Variants in ATAD3C observed in about 807,000 individuals in gnomAD.
ATAD3C encodes the protein ATPase family AAA domain containing 3C, also known as ATPase family AAA domain-containing protein 3C.
In ATAD3C, 38 loss-of-function variants were observed where a neutral mutation model predicts 46.3. That is an observed-to-expected ratio of 0.82 (90% CI 0.63 to 1.08). The LOEUF (loss-of-function observed/expected upper bound fraction) is 1.08, where lower values mean the gene tolerates loss of function less well. ATAD3C is among the 50% of genes least tolerant of loss of function. The pLI, the probability that ATAD3C is intolerant of heterozygous loss-of-function variation, is 0.00. For missense variants in ATAD3C, 563 were observed against 572.7 expected (o/e 0.98, Z 0.17); for synonymous variants, 220 against 236.4 (o/e 0.93, Z 0.63).
rs767443446 is a variant in ATAD3C at position 1,456,193 on chromosome 1, C to T, written c.565-32C>T. 4.3e-5 allele frequency: 65 copies of T among 1,527,502 alleles called. 10 individuals carry two copies. Among genetic ancestry groups the T allele is most frequent in the Non-Finnish European group, 5.5e-5 (63 of 1,146,588 alleles). 94.6% of individuals were successfully genotyped at this position (1,527,502 alleles called of 1,614,324 possible). On this transcript the variant is annotated intron_variant, in intron 6 of 11. Transcript: ENST00000378785. ...GGCTTTGCAGAGGCGGAGGGAACAT[C>T]TGTTCTGTCTCCCCTCACTCTTCTT... is the stretch of plus-strand genomic sequence containing the variant.
At chr1:1,463,906 T>C (rs963617799) in intron 11 of ATAD3C, among the ~76,000 whole-genome samples, 4 of 151,088 alleles carry the variant, frequency 2.6e-5, no homozygotes, top group African/African-American at 4.9e-5. Flanking sequence ...AGTGAGACCC[T>C]GTCTTAAAAA....
Position 1,468,542 on chromosome 1 carries a change from G to C in ATAD3C, c.*12G>C, listed in dbSNP as rs1259094546. The C allele has an allele frequency of 1.9e-6, 3 of 1,596,730 alleles. No homozygotes were observed. Among genetic ancestry groups the C allele is most frequent in the Non-Finnish European group, 2.6e-6 (3 of 1,170,866 alleles). On this transcript the variant is annotated 3_prime_UTR_variant, in exon 12 of 12. Transcript: ENST00000378785. ...AACCCTCATCCTGAGTCCATGGGGA[G>C]ACCACACCTCACGGAGCCTGGCCGC...
At chr1:1,454,314 C>T (rs1250776120) in intron 3 of ATAD3C, 31 bp from the exon 4 acceptor site, 1 of 1,581,822 alleles carries the variant, frequency 6.3e-7, no homozygotes, top group Non-Finnish European at 8.6e-7. Flanking sequence ...ACGGTGGGGG[C>T]CGGTGCGCCA....
chr1:1,453,598 A>G (rs1399890611), intron 3 of ATAD3C, among the ~76,000 whole-genome samples: 1 of 151,476 alleles, frequency 6.6e-6, no homozygotes, highest in African/African-American at 2.4e-5. Flanking sequence ...TGGCCTCCCA[A>G]AGTGCTGGGA....
chr1:1,452,710 A>T (rs1474619905), intron 3 of ATAD3C, among the ~76,000 whole-genome samples: 2 of 151,648 alleles, frequency 1.3e-5, no homozygotes, highest in Non-Finnish European at 2.9e-5. Flanking sequence ...AGAGGTAGAG[A>T]ATCACTTGAA....
intron 8 of ATAD3C, among the ~76,000 whole-genome samples, chr1:1,457,495 C>T (rs1183583285): frequency 6.9e-6 from 1 of 144,924 alleles, no homozygotes; most frequent in African/African-American, 2.6e-5. Context: ...ACTCGGGAGG[C>T]TGAGGCAGGA....
chr1:1,468,571 C>G lies in ATAD3C; in HGVS notation c.*41C>G, dbSNP rs1295115528. 20 of 1,580,370 alleles carry G rather than the reference C, an allele frequency of 1.3e-5. No individual in the cohort carries two copies. The highest frequency in any genetic ancestry group is 1.7e-5 in the Non-Finnish European group (20 of 1,165,276). On this transcript the variant is annotated 3_prime_UTR_variant, in exon 12 of 12. Transcript: ENST00000378785. ...ACACCTCACGGAGCCTGGCCGCGGA[C>G]CCCTCCCACCCCTGCCTTTGCGGCC...
rs760244275 is a variant in ATAD3C, at chr1:1,455,508, G to T, written c.427G>T (p.Val143Phe). The T allele has an allele frequency of 5.0e-6, 8 of 1,612,442 alleles. No individual in the cohort carries two copies. Reference sequence around the variant, plus strand: ...TCGACCCCAGGACGTGCTGGAGGGTGTTGTGCTTAGTGTAAGTCGGTGTGC... The same window carrying T: ...TCGACCCCAGGACGTGCTGGAGGGTTTTGTGCTTAGTGTAAGTCGGTGTGC... Reference protein sequence around the residue: ...LSRPQDVLEGVVLSPSLEARV... With the variant: ...LSRPQDVLEGFVLSPSLEARV... Residue 143 changes from valine to phenylalanine, a missense_variant, in exon 5 of 12, where the codon GTT becomes TTT. Transcript: ENST00000378785.
chr1:1,454,839 C>T (rs1002058401), intron 4 of ATAD3C, among the ~76,000 whole-genome samples: 14 of 151,890 alleles, frequency 9.2e-5, no homozygotes, highest in Admixed American at 6.6e-4. Context: ...CCTGGGGAGC[C>T]GCGCCGTTTG....
Position 1,459,059 on chromosome 1 carries a change from A to G in ATAD3C, c.742-102A>G, listed in dbSNP as rs1197175169. ...AGTCTAGATCCGTGAAAGTGTCGCC[A>G]TGTCCCTGCTCCCTGCAGGAGGGAG... On this transcript the variant is annotated intron_variant, in intron 8 of 11. Transcript: ENST00000378785. The surrounding 1 kb of genome is among the most constrained non-coding windows in gnomAD (Gnocchi z 4.9). 3 of 1,563,652 alleles carry G rather than the reference A, an allele frequency of 1.9e-6. No individual in the cohort carries two copies. Among genetic ancestry groups the G allele is most frequent in the African/African-American group, 1.4e-5 (1 of 73,566 alleles).
intron 11 of ATAD3C, among the ~76,000 whole-genome samples, 189 bp from the exon 12 acceptor site, chr1:1,468,195 G>C (rs909175721): frequency 1.3e-5 from 2 of 152,102 alleles, no homozygotes; most frequent in African/African-American, 4.8e-5. Flanking sequence ...CAGGGCTGTG[G>C]GCACTGCAGG....
At chr1:1,452,724 G>A (rs577922182) in intron 3 of ATAD3C, among the ~76,000 whole-genome samples, 3 of 151,506 alleles carry the variant, frequency 2.0e-5, no homozygotes, top group Admixed American at 6.6e-5. Context: ...ACTTGAACCC[G>A]GGAGGCAGAG....
At chr1:1,454,859 A>G (rs188695458) in intron 4 of ATAD3C, among the ~76,000 whole-genome samples, 43 of 151,786 alleles carry the variant, frequency 2.8e-4, no homozygotes, top group Non-Finnish European at 4.9e-4. Context: ...GCCAGCCCCC[A>G]AGGTGCCTGC....
chr1:1,457,244 T>C, intron 8 of ATAD3C, 64 bp downstream of exon 8: 3 of 1,607,374 alleles, frequency 1.9e-6, no homozygotes, highest in Non-Finnish European at 2.6e-6. Context: ...GCTGTCATCC[T>C]GGGCCAGGCC....
chr1:1,458,139 C>T (rs1638998212), intron 8 of ATAD3C, among the ~76,000 whole-genome samples: 1 of 151,088 alleles, frequency 6.6e-6, no homozygotes, highest in African/African-American at 2.4e-5. Flanking sequence ...CCACCACATC[C>T]AGATAAGTTT....
intron 11 of ATAD3C, among the ~76,000 whole-genome samples, chr1:1,465,704 T>A (rs1283151661): frequency 6.6e-6 from 1 of 151,916 alleles, no homozygotes; most frequent in Non-Finnish European, 1.5e-5. Context: ...GGTTGTTTTT[T>A]CCAATATGGA....
intron 4 of ATAD3C, 75 bp downstream of exon 4, chr1:1,454,575 C>T (rs960749710): frequency 1.4e-5 from 21 of 1,525,482 alleles, no homozygotes; most frequent in East Asian, 5.4e-5. Flanking sequence ...GCACAGCCCA[C>T]GCATATACTC....
chr1:1,455,822 C>T lies in ATAD3C; in HGVS notation c.470C>T (p.Ala157Val). Residue 157 changes from alanine to valine, a missense_variant, in exon 6 of 12, where the codon GCC becomes GTC. Physicochemically the swap from Ala to Val is moderately conservative, Grantham distance 64 (BLOSUM62 0). This residue lies in a region of ATAD3C where 263 missense variants were observed against 243.1 expected (regional missense o/e 1.08). Coordinates refer to ENST00000378785, the MANE Select transcript of ATAD3C (RefSeq NM_001039211.3). ...PSLEARVRDIAIMTRNIKKNR... is the reference protein window; with the variant it reads ...PSLEARVRDIVIMTRNIKKNR... The stretch of plus-strand genomic sequence containing the variant: ...CTGGAAGCACGGGTGCGCGACATCG[C>T]CATAATGACAAGGAACATCAAGAAG... 6.2e-7 allele frequency: 1 copy of T among 1,613,490 alleles called. No homozygotes were observed. The highest frequency in any genetic ancestry group is 8.5e-7 in the Non-Finnish European group (1 of 1,179,690).
chr1:1,455,350 C>A, intron 4 of ATAD3C, 110 bp from the exon 5 acceptor site: 1 of 1,473,176 alleles, frequency 6.8e-7, no homozygotes, highest in Non-Finnish European at 9.2e-7. Context: ...CCGGTCCTGG[C>A]TGTGATTCGG....
Sources: gnomAD v4.1 joint callset for allele counts (sites outside exome capture counted in the v4.1 genomes callset) on GRCh38, gnomAD v4.1.1 for gene constraint, gnomAD v4.1.1 regional missense constraint, Gnocchi (gnomAD v3.1) non-coding constraint, MANE v1.5 for transcripts, NCBI Gene and HGNC (gene_info 2026-07-23, HGNC 2026-07-21) for gene names.